Variants in ACACA observed in about 807,000 individuals in gnomAD.
ACACA encodes the protein acetyl-CoA carboxylase 1.
Under a neutral mutation model 296.1 loss-of-function variants are expected in ACACA, and 103 were observed. The ratio of observed to expected loss-of-function variants is 0.35; its 90% CI spans 0.30 to 0.41. The LOEUF is 0.41. ACACA is among the 10% of genes least tolerant of loss of function. ACACA has a pLI of 1.00. For synonymous variants in ACACA, 953 were observed against 1,038.6 expected (o/e 0.92, Z 1.58); for missense variants, 1,554 against 2,989.7 (o/e 0.52, Z 11.20).
intron 25 of ACACA, among the ~76,000 whole-genome samples, chr17:37,230,814 T>C (rs2079822631): frequency 6.6e-6 from 1 of 152,212 alleles, no homozygotes; most frequent in Non-Finnish European, 1.5e-5. Flanking sequence ...GGTCAGCAGA[T>C]GTGTTTAGTC....
intron 3 of ACACA, among the ~76,000 whole-genome samples, chr17:37,301,167 C>G (rs2083597997): frequency 6.6e-6 from 1 of 152,146 alleles, no homozygotes; most frequent in Non-Finnish European, 1.5e-5. Context: ...CTTCCTTTCA[C>G]CAAACGGATC....
intron 54 of ACACA, among the ~76,000 whole-genome samples, chr17:37,091,373 A>G (rs1337208646): frequency 6.6e-6 from 1 of 152,170 alleles, no homozygotes; most frequent in Non-Finnish European, 1.5e-5. Context: ...TGACCGCCAA[A>G]CCCCAGTGGA....
At chr17:37,242,732 A>AAAAT (rs912201620) in intron 22 of ACACA, among the ~76,000 whole-genome samples, 12 of 151,860 alleles carry the variant, frequency 7.9e-5, no homozygotes, top group East Asian at 3.9e-4. Flanking sequence ...CCCTGTCTCA[A>AAAAT]AAATAAATAA....
intron 5 of ACACA, among the ~76,000 whole-genome samples, chr17:37,282,275 C>T (rs1406301146): frequency 6.6e-6 from 1 of 152,162 alleles, no homozygotes; most frequent in Non-Finnish European, 1.5e-5. Flanking sequence ...ATGTGATGTG[C>T]CTACTCCCCC....
intron 1 of ACACA, among the ~76,000 whole-genome samples, chr17:37,364,794 G>C (rs1384098957): frequency 6.6e-6 from 1 of 152,076 alleles, no homozygotes; most frequent in African/African-American, 2.4e-5. Flanking sequence ...CACTTGCCAT[G>C]CTTATTCTTA....
chr17:37,305,191 G>C (rs2083814325), intron 3 of ACACA, among the ~76,000 whole-genome samples: 1 of 152,106 alleles, frequency 6.6e-6, no homozygotes, highest in African/African-American at 2.4e-5. Context: ...TTATGCATAT[G>C]AACAATTTAC....
At chr17:37,380,442 A>C (rs937251939) in intron 1 of ACACA, among the ~76,000 whole-genome samples, 3 of 152,104 alleles carry the variant, frequency 2.0e-5, no homozygotes, top group Non-Finnish European at 4.4e-5. Context: ...AGAAAAAAAA[A>C]AGAAAATGAA....
At chr17:37,403,278 T>C (rs954995563) in intron 1 of ACACA, among the ~76,000 whole-genome samples, 19 of 152,032 alleles carry the variant, frequency 1.2e-4, no homozygotes, top group Admixed American at 5.2e-4. Context: ...CACTATCACA[T>C]CCACTTAAGA....
At chr17:37,327,904 C>T (rs1023405998) in intron 3 of ACACA, among the ~76,000 whole-genome samples, 4 of 152,132 alleles carry the variant, frequency 2.6e-5, no homozygotes, top group Non-Finnish European at 4.4e-5. Flanking sequence ...CCAGTCACAA[C>T]CCCCCAACAC....
Position 37,402,537 on chromosome 17 carries a change from T to C in ACACA, c.38+3725A>G, listed in dbSNP as rs369333554. The stretch of plus-strand genomic sequence containing the variant: ...AAACCAGGCAATATTAATACTTAGG[T>C]AGGGACAACAGATATAAACCAGGCT... On this transcript the variant is annotated intron_variant, in intron 1 of 55. Coordinates refer to ENST00000616317, the MANE Select transcript of ACACA (RefSeq NM_198834.3). Among the ~76,000 whole-genome samples the C allele has an allele frequency of 5.3e-5, 8 of 152,266 alleles. No homozygotes were observed. In the East Asian group the frequency reaches 1.2e-3, roughly 22 times the overall value.
chr17:37,167,149 A>G (rs1333771364), intron 41 of ACACA, among the ~76,000 whole-genome samples: 2 of 131,252 alleles, frequency 1.5e-5, no homozygotes, highest in Non-Finnish European at 3.2e-5. Flanking sequence ...TTTGGTACAG[A>G]TGGGGTTTCA....
Position 37,221,782 on chromosome 17 carries a change from T to C in ACACA, c.3625A>G (p.Lys1209Glu), listed in dbSNP as rs927966493. The C allele has an allele frequency of 2.5e-6, 4 of 1,614,092 alleles. No homozygotes were observed. The African/African-American group carries it at 4.0e-5, about 16-fold the overall frequency. ...AATTCCACCACACAGGTGTTGTCCT[T>C]AAGCTGGCGGTGTTGTACGCTGTTA... ...ELNSVQHRQL[K>E]DNTCVVEFQF... The change falls in exon 29 of 56, where the codon AAG (lysine) becomes GAG (glutamate). Residue 1209 changes from lysine to glutamate, a missense_variant. Transcript: ENST00000616317.
chr17:37,289,694 A>C lies in ACACA; in HGVS notation c.339-4724T>G, dbSNP rs1474577240. 3.3e-5 allele frequency among the ~76,000 whole-genome samples: 5 copies of C among 152,220 alleles called. No individual in the cohort carries two copies. The South Asian group carries it at 1.0e-3, about 32-fold the overall frequency. ...CAGCTTGGCTTTCTCAACAACAGGAATCCACCACTGCATTATAGTATTTTT... is the reference window on the plus strand; with the variant it reads ...CAGCTTGGCTTTCTCAACAACAGGACTCCACCACTGCATTATAGTATTTTT... On this transcript the variant is annotated intron_variant, in intron 3 of 55. Coordinates refer to ENST00000616317, the MANE Select transcript of ACACA (RefSeq NM_198834.3).
intron 3 of ACACA, among the ~76,000 whole-genome samples, chr17:37,296,300 C>T (rs1421671838): frequency 5.2e-5 from 7 of 135,494 alleles, no homozygotes; most frequent in East Asian, 2.1e-4. Flanking sequence ...ATCTTTGGAG[C>T]CTTTTTTTTT....
chr17:37,301,981 CTTT>C (rs970584454), intron 3 of ACACA, among the ~76,000 whole-genome samples: 1 of 149,152 alleles, frequency 6.7e-6, no homozygotes, highest in Admixed American at 6.7e-5. Flanking sequence ...TATTTAATTT[CTTT>C]TTTTTTTCTT....
At position 37,179,287 on chromosome 17, in the gene ACACA, G is replaced by A. The variant is rs774423854; in HGVS notation, c.5052C>T (p.His1684=). 1 of 1,614,122 alleles carries A rather than the reference G, an allele frequency of 6.2e-7. No homozygotes were observed. Among genetic ancestry groups the A allele is most frequent in the Non-Finnish European group, 8.5e-7 (1 of 1,180,002 alleles). The change falls in exon 41 of 56, where the codon CAC becomes CAT. Residue 1684 remains histidine (H), a synonymous_variant. Coordinates refer to ENST00000616317, the MANE Select transcript of ACACA (RefSeq NM_198834.3). Reference sequence around the variant, plus strand: ...CATTTCCTCCTGGAAGCCTGTTCATGTGGACCAGCTGACCTTGATCATCCA... The same window carrying A: ...CATTTCCTCCTGGAAGCCTGTTCATATGGACCAGCTGACCTTGATCATCCA... ...LVLDDQGQLV[H]MNRLPGGNEI...
At chr17:37,337,283 G>T (rs1254386394) in intron 2 of ACACA, among the ~76,000 whole-genome samples, 1 of 151,966 alleles carries the variant, frequency 6.6e-6, no homozygotes. Context: ...GCATGTGGTG[G>T]CATGCACCTG....
At position 37,097,774 on chromosome 17, in the gene ACACA, A is replaced by G; in HGVS notation, c.6720+56T>C. The G allele has an allele frequency of 1.9e-6, 3 of 1,606,086 alleles. No individual in the cohort carries two copies. The highest frequency in any genetic ancestry group is 1.7e-6 in the Non-Finnish European group (2 of 1,173,428). On this transcript the variant is annotated intron_variant, in intron 53 of 55. Coordinates refer to ENST00000616317, the MANE Select transcript of ACACA (RefSeq NM_198834.3). The surrounding 1 kb of genome is among the most constrained non-coding windows in gnomAD (Gnocchi z 4.8). ...GCTTATGAGCCTGTGTGCAACACAC[A>G]CACACACTTGCCCACATGTGGGCCT... is the stretch of plus-strand genomic sequence containing the variant.
chr17:37,217,157 A>C (rs1022029245), intron 29 of ACACA, among the ~76,000 whole-genome samples: 3 of 147,500 alleles, frequency 2.0e-5, no homozygotes, highest in Non-Finnish European at 3.0e-5. Flanking sequence ...GCTAATCGGG[A>C]GGCTGAGGCA....
Sources: gnomAD v4.1 joint callset for allele counts (sites outside exome capture counted in the v4.1 genomes callset) on GRCh38, gnomAD v4.1.1 for gene constraint, Gnocchi (gnomAD v3.1) non-coding constraint, MANE v1.5 for transcripts, NCBI Gene and HGNC (gene_info 2026-07-23, HGNC 2026-07-21) for gene names.